Variants in ITPA observed in about 807,000 individuals in gnomAD.
The protein encoded by ITPA is inosine triphosphate pyrophosphatase.
A neutral mutation model predicts 29.6 loss-of-function variants in ITPA; 29 were observed. The ratio of observed to expected loss-of-function variants is 0.98; its 90% confidence interval spans 0.73 to 1.34. The LOEUF (loss-of-function observed/expected upper bound fraction) is 1.34, where lower values mean the gene tolerates loss of function less well. ITPA is among the 40% of genes most tolerant of loss of function. The pLI is 0.00. For synonymous variants in ITPA, 103 were observed against 99.3 expected, an observed-to-expected ratio of 1.04 and a Z score of -0.22; for missense variants, 241 against 251.5, an observed-to-expected ratio of 0.96 and a Z score of 0.28.
At chr20:3,209,379 C>A, upstream of ITPA, 3 of 708,300 alleles carry the variant, frequency 4.2e-6, no homozygotes, top group Non-Finnish European at 2.6e-6. This position sits in a 1 kb window ranked among gnomAD's most constrained non-coding sequence, Gnocchi z 4.6. Flanking sequence ...ACGCTGTGGG[C>A]TAGGCCGCCA....
intron 5 of ITPA, among the ~76,000 whole-genome samples, chr20:3,216,922 C>T (rs1038203362): frequency 5.3e-5 from 8 of 151,926 alleles, no homozygotes; most frequent in African/African-American, 1.9e-4. Flanking sequence ...ACTCCATCGC[C>T]CAGGCTAGAG....
chr20:3,220,118 C>T (rs919001974), intron 6 of ITPA, among the ~76,000 whole-genome samples: 1 of 152,006 alleles, frequency 6.6e-6, no homozygotes, highest in Non-Finnish European at 1.5e-5. Context: ...TTCAACACCC[C>T]CTACTGCCTA....
At chr20:3,222,998 C>CA (rs1323878570) in intron 7 of ITPA, among the ~76,000 whole-genome samples, 1 of 152,190 alleles carries the variant, frequency 6.6e-6, no homozygotes, top group African/African-American at 2.4e-5. Context: ...CCCCCGCCCT[C>CA]AGCGCATGAG....
chr20:3,224,202 G>T (rs1289740080), downstream of ITPA, among the ~76,000 whole-genome samples: 1 of 152,230 alleles, frequency 6.6e-6, no homozygotes, highest in Non-Finnish European at 1.5e-5. Context: ...AATTACAATG[G>T]CCAGTTCATT....
intron 6 of ITPA, chr20:3,219,010 G>C (rs940212043): frequency 8.4e-6 from 2 of 239,402 alleles, no homozygotes; most frequent in East Asian, 2.1e-4. Context: ...AATTCCCAAA[G>C]CTATTTTTTT....
upstream of ITPA, among the ~76,000 whole-genome samples, chr20:3,204,118 G>C (rs1404687209): frequency 6.6e-6 from 1 of 152,166 alleles, no homozygotes; most frequent in African/African-American, 2.4e-5. Context: ...GCTCGTGGGG[G>C]ACAGGCAGAA....
intron 3 of ITPA, 110 bp downstream of exon 3, chr20:3,213,493 C>G: frequency 7.3e-7 from 1 of 1,360,918 alleles, no homozygotes; most frequent in Non-Finnish European, 1.0e-6. Flanking sequence ...CTTTCTAGGA[C>G]CGGCCCAGAG....
At chr20:3,204,660 AC>A, upstream of ITPA, 1 of 1,549,104 alleles carries the variant, frequency 6.5e-7, no homozygotes, top group South Asian at 1.2e-5. Flanking sequence ...CACTGCGTCC[AC>A]CCTGAGGCCG....
At chr20:3,225,337 A>T (rs771291733), downstream of ITPA, among the ~76,000 whole-genome samples, 7 of 152,154 alleles carry the variant, frequency 4.6e-5, no homozygotes, top group Non-Finnish European at 1.0e-4. Context: ...TTGGTTATGG[A>T]AAGACCAAGA....
At chr20:3,222,657 A>G (rs1001989889) in intron 7 of ITPA, among the ~76,000 whole-genome samples, 3 of 152,140 alleles carry the variant, frequency 2.0e-5, no homozygotes, top group Non-Finnish European at 2.9e-5. Flanking sequence ...TTGTTCACAC[A>G]AGGCACGGGC....
chr20:3,212,258 A>G (rs1287063488), intron 1 of ITPA, among the ~76,000 whole-genome samples: 1 of 152,228 alleles, frequency 6.6e-6, no homozygotes, highest in African/African-American at 2.4e-5. Flanking sequence ...TTTGTGATTT[A>G]GTTATATATA....
intron 6 of ITPA, 24 bp from the exon 7 acceptor site, chr20:3,221,817 C>A: frequency 6.2e-7 from 1 of 1,612,576 alleles, no homozygotes; most frequent in South Asian, 1.1e-5. Context: ...CAGTTACACA[C>A]CTGTCCCCCC....
At chr20:3,208,563 A>T (rs757693056), upstream of ITPA, among the ~76,000 whole-genome samples, 2 of 152,148 alleles carry the variant, frequency 1.3e-5, no homozygotes, top group Non-Finnish European at 2.9e-5. Flanking sequence ...TTTGGTAGAG[A>T]TGGGGTTTCT....
chr20:3,226,783 C>G (rs1326111925), downstream of ITPA, among the ~76,000 whole-genome samples: 2 of 152,190 alleles, frequency 1.3e-5, no homozygotes, highest in African/African-American at 4.8e-5. This position sits in a 1 kb window ranked among gnomAD's most constrained non-coding sequence, Gnocchi z 4.4. Flanking sequence ...TCCTGCTGAC[C>G]ACTGATGCTG....
Position 3,209,712 on chromosome 20 carries a change from GGAGA to G in ITPA, c.66+100_66+103del, listed in dbSNP as rs1339238648. 3 of 1,015,978 alleles carry G rather than the reference GGAGA, an allele frequency of 3.0e-6. No individual in the cohort carries two copies. In the African/African-American group the frequency reaches 4.7e-5, roughly 16 times the overall value. The allele number at this position is 1,015,978 out of a possible 1,614,324, so 62.9% of individuals were successfully genotyped here. A position where few individuals can be genotyped will look rare whatever the true frequency, so the allele number is the denominator to read the frequency against. ...GAGGGAAGCACGTGGGAGGAGGCAT[GGAGA>G]GAGAACAGAATTCAGCCCGGAAGAA... On this transcript the variant is annotated intron_variant, in intron 1 of 7. Transcript: ENST00000380113. This position sits in a 1 kb window ranked among gnomAD's most constrained non-coding sequence, Gnocchi z 4.6.
At chr20:3,220,017 T>C (rs2067419397) in intron 6 of ITPA, among the ~76,000 whole-genome samples, 1 of 128,850 alleles carries the variant, frequency 7.8e-6, no homozygotes, top group Admixed American at 9.3e-5. Flanking sequence ...ACTCCAGCCA[T>C]GGAGTGACGG....
chr20:3,212,361 C>G (rs1390870455), intron 1 of ITPA, among the ~76,000 whole-genome samples: 7 of 151,416 alleles, frequency 4.6e-5, no homozygotes, highest in Non-Finnish European at 1.0e-4. Context: ...ACTCTGTCGC[C>G]TAAGGCTGGA....
chr20:3,227,103 T>G (rs3810559), downstream of ITPA, among the ~76,000 whole-genome samples: 64,456 of 152,132 alleles, frequency 0.42, 14,153 homozygotes, highest in South Asian at 0.63. Flanking sequence ...GCTGTCACCC[T>G]GATGGTCCCT....
At chr20:3,204,656 G>C (rs774776584), upstream of ITPA, 4 of 1,554,494 alleles carry the variant, frequency 2.6e-6, no homozygotes, top group South Asian at 4.7e-5. Flanking sequence ...GAACCACTGC[G>C]TCCACCCTGA....
Sources: allele counts gnomAD v4.1 joint callset (sites outside exome capture counted in the v4.1 genomes callset), GRCh38; gene constraint gnomAD v4.1.1; non-coding constraint Gnocchi (gnomAD v3.1); transcripts MANE v1.5; gene names NCBI Gene and HGNC (gene_info 2026-07-23, HGNC 2026-07-21).